The following CNTNAP2 variants were observed in gnomAD, a reference collection of about 807,000 sequenced individuals.
CNTNAP2 encodes contactin-associated protein-like 2.
A neutral mutation model predicts 155.2 loss-of-function variants in CNTNAP2; 98 were observed. The ratio of observed to expected loss-of-function variants is 0.63; its 90% CI spans 0.54 to 0.75. CNTNAP2 has a LOEUF of 0.75. CNTNAP2 is among the 30% of genes least tolerant of loss of function. The probability of loss-of-function intolerance (pLI) is 0.00; values close to 1 mark genes in which losing one functional copy is unlikely to be tolerated. For missense variants in CNTNAP2, 1,727 were observed against 1,688.1 expected, an observed-to-expected ratio of 1.02 and a Z score of -0.40; for synonymous variants, 651 against 631.2, an observed-to-expected ratio of 1.03 and a Z score of -0.47.
intron 1 of CNTNAP2, among the ~76,000 whole-genome samples, chr7:146,721,580 C>T (rs866674934): frequency 1.7e-4 from 15 of 90,500 alleles, no homozygotes; most frequent in Non-Finnish European, 2.4e-4. Context: ...ATTCTATATA[C>T]ATTCTATATA....
chr7:147,483,795 A>G (rs1417853390), intron 10 of CNTNAP2, among the ~76,000 whole-genome samples: 2 of 152,164 alleles, frequency 1.3e-5, no homozygotes, highest in Non-Finnish European at 2.9e-5. Context: ...CCTGCTCTGG[A>G]TGTAAACACC....
intron 1 of CNTNAP2, among the ~76,000 whole-genome samples, chr7:146,608,973 A>G (rs1799091331): frequency 6.6e-6 from 1 of 152,128 alleles, no homozygotes; most frequent in African/African-American, 2.4e-5. Context: ...AAGTTAGGGA[A>G]ATAAAGACAG....
chr7:146,844,816 A>T (rs1242953610), intron 3 of CNTNAP2, among the ~76,000 whole-genome samples: 1 of 152,258 alleles, frequency 6.6e-6, no homozygotes, highest in South Asian at 2.1e-4. Context: ...ATGCTTGTAT[A>T]TTCTCAGTTA....
At chr7:146,776,221 C>T (rs1056091456) in intron 2 of CNTNAP2, among the ~76,000 whole-genome samples, 4 of 152,136 alleles carry the variant, frequency 2.6e-5, no homozygotes, top group Non-Finnish European at 5.9e-5. Context: ...AGAGAGTGTA[C>T]TGTTCCCTAA....
intron 15 of CNTNAP2, among the ~76,000 whole-genome samples, chr7:148,025,728 C>T (rs1304686251): frequency 1.3e-5 from 2 of 152,206 alleles, no homozygotes; most frequent in Admixed American, 1.3e-4. Flanking sequence ...CTTACTCTTT[C>T]TGTAATAACT....
At chr7:147,723,636 T>A (rs1796599142) in intron 13 of CNTNAP2, among the ~76,000 whole-genome samples, 1 of 152,034 alleles carries the variant, frequency 6.6e-6, no homozygotes, top group Non-Finnish European at 1.5e-5. Context: ...AGTCTGCATC[T>A]GTCCCTGTTG....
At chr7:147,109,926 T>C (rs868232280) in intron 5 of CNTNAP2, among the ~76,000 whole-genome samples, 365 of 99,712 alleles carry the variant, frequency 3.7e-3, no homozygotes, top group African/African-American at 0.015. Flanking sequence ...TATTTATTTA[T>C]TTATTTACTT....
intron 18 of CNTNAP2, among the ~76,000 whole-genome samples, chr7:148,200,179 T>G (rs1795345431): frequency 6.6e-6 from 1 of 152,270 alleles, no homozygotes; most frequent in Non-Finnish European, 1.5e-5. Flanking sequence ...ATCAGCCATG[T>G]GGGCATCTCT....
intron 1 of CNTNAP2, among the ~76,000 whole-genome samples, chr7:146,237,778 T>C (rs1207594867): frequency 6.1e-5 from 9 of 148,502 alleles, no homozygotes; most frequent in Non-Finnish European, 7.4e-5. Flanking sequence ...CTTTGGTAAT[T>C]TGCAAAACAT....
intron 1 of CNTNAP2, among the ~76,000 whole-genome samples, chr7:146,606,310 A>G (rs185772911): frequency 6.6e-6 from 1 of 152,302 alleles, no homozygotes; most frequent in East Asian, 1.9e-4. Flanking sequence ...TTCTACATGG[A>G]ATATAATACA....
At chr7:147,950,838 T>C (rs901070374) in intron 14 of CNTNAP2, among the ~76,000 whole-genome samples, 3 of 152,228 alleles carry the variant, frequency 2.0e-5, no homozygotes, top group Non-Finnish European at 4.4e-5. Context: ...AACATTCTTA[T>C]CACCAGAGAT....
intron 1 of CNTNAP2, among the ~76,000 whole-genome samples, chr7:146,618,093 T>A (rs1585009126): frequency 6.6e-6 from 1 of 152,174 alleles, no homozygotes; most frequent in East Asian, 1.9e-4. Context: ...TGTTAGATAT[T>A]CATCATTCCT....
chr7:147,681,464 G>T (rs1795947351), intron 13 of CNTNAP2, among the ~76,000 whole-genome samples: 1 of 151,828 alleles, frequency 6.6e-6, no homozygotes, highest in Non-Finnish European at 1.5e-5. Context: ...GCTAGATGGG[G>T]TTTGGTCTAG....
At chr7:146,317,575 G>A (rs1038012825) in intron 1 of CNTNAP2, among the ~76,000 whole-genome samples, 1 of 152,162 alleles carries the variant, frequency 6.6e-6, no homozygotes, top group Admixed American at 6.5e-5. Context: ...AAGCTGTTCT[G>A]TTTCCATGGT....
chr7:146,645,172 G>A (rs1366760561), intron 1 of CNTNAP2, among the ~76,000 whole-genome samples: 2 of 152,162 alleles, frequency 1.3e-5, no homozygotes, highest in Non-Finnish European at 2.9e-5. Context: ...ATCAGGACAG[G>A]TGTCTGTCTT....
intron 9 of CNTNAP2, among the ~76,000 whole-genome samples, chr7:147,325,723 A>G (rs1453441416): frequency 6.6e-6 from 1 of 152,236 alleles, no homozygotes; most frequent in Non-Finnish European, 1.5e-5. Flanking sequence ...TTGTGATTAA[A>G]CACATAAAGC....
chr7:148,226,361 G>A (rs1286880990), intron 19 of CNTNAP2, among the ~76,000 whole-genome samples: 1 of 152,024 alleles, frequency 6.6e-6, no homozygotes, highest in African/African-American at 2.4e-5. Context: ...AGAAGAGGGT[G>A]CCCCCTCCCA....
chr7:147,725,202 A>G (rs1401671810), intron 13 of CNTNAP2, among the ~76,000 whole-genome samples: 1 of 151,210 alleles, frequency 6.6e-6, no homozygotes, highest in Non-Finnish European at 1.5e-5. Flanking sequence ...TTGGAGAATT[A>G]TTATCCATTT....
chr7:146,423,638 A>G (rs1296303173), intron 1 of CNTNAP2, among the ~76,000 whole-genome samples: 2 of 152,206 alleles, frequency 1.3e-5, no homozygotes, highest in East Asian at 3.9e-4. Flanking sequence ...AATGTCCAGA[A>G]GCCTTGTCCA....
Sources: gnomAD v4.1 joint callset for allele counts (sites outside exome capture counted in the v4.1 genomes callset) on GRCh38, gnomAD v4.1.1 for gene constraint, MANE v1.5 for transcripts, NCBI Gene and HGNC (gene_info 2026-07-23, HGNC 2026-07-21) for gene names.